The following SNRPA variants were observed in gnomAD, a reference collection of about 807,000 sequenced individuals.
SNRPA encodes the protein small nuclear ribonucleoprotein polypeptide A, also known as U1 small nuclear ribonucleoprotein A.
SNRPA carries 10 observed loss-of-function variants against 24.5 expected under a neutral mutation model. That is an observed-to-expected ratio of 0.41 (90% CI 0.25 to 0.69). The LOEUF (loss-of-function observed/expected upper bound fraction) is 0.69. Among genes scored for constraint, SNRPA ranks in the 30% least tolerant of loss-of-function variants. The pLI, the probability that SNRPA is intolerant of heterozygous loss-of-function variation, is 0.33. For missense variants in SNRPA, 283 were observed against 394.7 expected, an observed-to-expected ratio of 0.72 and a Z score of 2.40; for synonymous variants, 165 against 148.4, an observed-to-expected ratio of 1.11 and a Z score of -0.81.
At chr19:40,758,271 A>C (rs1205342481) in intron 2 of SNRPA, among the ~76,000 whole-genome samples, 1 of 152,070 alleles carries the variant, frequency 6.6e-6, no homozygotes, top group Non-Finnish European at 1.5e-5. Context: ...CACACTAAGA[A>C]TCTTTAACAT....
intron 1 of SNRPA, among the ~76,000 whole-genome samples, chr19:40,756,596 CAA>C (rs916818115): frequency 6.0e-4 from 46 of 76,550 alleles, no homozygotes; most frequent in Non-Finnish European, 7.0e-4. Flanking sequence ...ACCTTGTCAC[CAA>C]AAAAAAAAAA....
At chr19:40,755,491 C>A (rs1431060458) in intron 1 of SNRPA, among the ~76,000 whole-genome samples, 2 of 152,104 alleles carry the variant, frequency 1.3e-5, no homozygotes, top group East Asian at 3.9e-4. Context: ...CCTCCCACTT[C>A]AGCCTCCCAA....
chr19:40,752,151 G>A (rs2082877017), intron 1 of SNRPA, among the ~76,000 whole-genome samples: 1 of 151,614 alleles, frequency 6.6e-6, no homozygotes, highest in Non-Finnish European at 1.5e-5. Flanking sequence ...CAGCCTGACC[G>A]ACATGGAGAA....
chr19:40,764,620 AGTTC>A (rs2145017664), intron 5 of SNRPA, among the ~76,000 whole-genome samples: 2 of 152,258 alleles, frequency 1.3e-5, no homozygotes, highest in South Asian at 4.2e-4. Flanking sequence ...TGAGGTCAGG[AGTTC>A]GAGGCCAATG....
At chr19:40,761,136 A>AC (rs982049103) in intron 3 of SNRPA, among the ~76,000 whole-genome samples, 36 of 151,922 alleles carry the variant, frequency 2.4e-4, no homozygotes, top group African/African-American at 8.4e-4. Flanking sequence ...CAAAAAAAAA[A>AC]AAAAAACCTG....
At chr19:40,763,430 G>T in intron 4 of SNRPA, 157 bp from the exon 5 acceptor site, 1 of 679,340 alleles carries the variant, frequency 1.5e-6, no homozygotes, top group East Asian at 2.6e-5. Flanking sequence ...GCAAAGAGGT[G>T]GGAGGCAGAC....
chr19:40,761,434 CTCTTT>C (rs1243951868), intron 3 of SNRPA, among the ~76,000 whole-genome samples: 23 of 138,522 alleles, frequency 1.7e-4, no homozygotes, highest in Middle Eastern at 3.8e-3. Context: ...AGTTTCTTTT[CTCTTT>C]TCTTTTCTTT....
At chr19:40,759,290 T>G in intron 2 of SNRPA, 141 bp from the exon 3 acceptor site, 1 of 683,476 alleles carries the variant, frequency 1.5e-6, no homozygotes, top group Non-Finnish European at 2.4e-6. Flanking sequence ...CCTCAAGTGA[T>G]CTGCTCGCTT....
intron 1 of SNRPA, among the ~76,000 whole-genome samples, chr19:40,753,227 C>T (rs527260548): frequency 6.6e-5 from 10 of 151,600 alleles, no homozygotes; most frequent in Admixed American, 2.0e-4. Context: ...TGGCGGTGCG[C>T]ACCTACAGTC....
chr19:40,765,269 G>A lies in SNRPA; in HGVS notation c.*102G>A, dbSNP rs1443423304. ...TAAGTCCCCCCTTGGGGGCCTTCTT[G>A]GAGCCGTGTGTGAGTGAGTGGTCGC... On this transcript the variant is annotated 3_prime_UTR_variant, in exon 6 of 6. Transcript: ENST00000243563. 4 of 712,354 alleles carry A rather than the reference G, an allele frequency of 5.6e-6. No homozygotes were observed. In the East Asian group the frequency reaches 1.4e-4, roughly 24 times the overall value. 44.1% of individuals were successfully genotyped at this position (712,354 alleles called of 1,614,324 possible).
intron 3 of SNRPA, 120 bp from the exon 4 acceptor site, chr19:40,762,781 T>G: frequency 9.5e-7 from 1 of 1,047,702 alleles, no homozygotes; most frequent in Non-Finnish European, 1.4e-6. Flanking sequence ...TTTGGGTGCC[T>G]TTTGCGCCTC....
chr19:40,751,472 A>G lies in SNRPA; in HGVS notation c.64A>G (p.Lys22Glu). ...IYINNLNEKI[K>E]KDELKKSLYA... is the part of the protein sequence containing the mutation. The stretch of plus-strand genomic sequence containing the variant: ...TATCAACAACCTCAATGAGAAGATC[A>G]AGAAGGATGGTGAGTTCTCGGGATA... The change falls in exon 1 of 6, where the codon AAG becomes GAG. Residue 22 changes from lysine (K) to glutamate (E), a missense_variant. Physicochemically the swap from Lys to Glu is moderately conservative, Grantham distance 56. This residue lies in a region of SNRPA where 32 missense variants were observed against 26.8 expected (regional missense o/e 1.19). Transcript: ENST00000243563. 3 of 1,611,670 alleles carry G rather than the reference A, an allele frequency of 1.9e-6. No individual in the cohort carries two copies. Among genetic ancestry groups the G allele is most frequent in the Non-Finnish European group, 1.7e-6 (2 of 1,177,918 alleles).
intron 1 of SNRPA, among the ~76,000 whole-genome samples, chr19:40,753,665 G>A (rs1262591837): frequency 2.6e-5 from 4 of 151,968 alleles, no homozygotes; most frequent in African/African-American, 9.7e-5. Flanking sequence ...CCAAAGTGCT[G>A]GGATTACAGG....
intron 1 of SNRPA, chr19:40,757,098 T>G: frequency 2.3e-5 from 12 of 518,582 alleles, no homozygotes; most frequent in East Asian, 3.5e-5. Flanking sequence ...GCACTTTGCA[T>G]GTATGTGCAC....
chr19:40,764,294 T>C (rs1331545628), intron 5 of SNRPA, among the ~76,000 whole-genome samples: 1 of 152,168 alleles, frequency 6.6e-6, no homozygotes, highest in Non-Finnish European at 1.5e-5. Context: ...CTCACCATGC[T>C]GCACTGCGTG....
At chr19:40,758,564 T>C (rs1335558862) in intron 2 of SNRPA, among the ~76,000 whole-genome samples, 1 of 152,216 alleles carries the variant, frequency 6.6e-6, no homozygotes, top group Non-Finnish European at 1.5e-5. Flanking sequence ...GAACACTTGC[T>C]TACTGTGTGT....
At chr19:40,756,028 T>C (rs1019251964) in intron 1 of SNRPA, among the ~76,000 whole-genome samples, 1 of 152,054 alleles carries the variant, frequency 6.6e-6, no homozygotes, top group Non-Finnish European at 1.5e-5. Context: ...TCCCAGCACT[T>C]TGGGGAAGCC....
intron 2 of SNRPA, among the ~76,000 whole-genome samples, chr19:40,758,045 C>T (rs942074018): frequency 8.6e-5 from 13 of 152,004 alleles, no homozygotes; most frequent in African/African-American, 3.1e-4. Context: ...TGGCTCACTG[C>T]AACCTCCACC....
At chr19:40,764,873 G>T (rs2145017905) in intron 5 of SNRPA, 135 bp from the exon 6 acceptor site, 1 of 748,984 alleles carries the variant, frequency 1.3e-6, no homozygotes, top group Admixed American at 3.6e-5. Context: ...TGCATTTTGG[G>T]CTGGATAATT....
Sources: gnomAD v4.1 joint callset for allele counts (sites outside exome capture counted in the v4.1 genomes callset) on GRCh38, gnomAD v4.1.1 for gene constraint, gnomAD v4.1.1 regional missense constraint, MANE v1.5 for transcripts, NCBI Gene and HGNC (gene_info 2026-07-23, HGNC 2026-07-21) for gene names.